The following NCKAP1 variants were observed in gnomAD, a reference collection of about 807,000 sequenced individuals.
The protein encoded by NCKAP1 is NCK associated protein 1, also known as nck-associated protein 1.
In NCKAP1, 21 loss-of-function variants were observed where a neutral mutation model predicts 151.2. The ratio of observed to expected loss-of-function variants is 0.14; its 90% CI spans 0.10 to 0.20. The LOEUF is 0.20. NCKAP1 is among the 10% of genes least tolerant of loss of function. NCKAP1 has a pLI of 1.00. For missense variants in NCKAP1, 933 were observed against 1,352.1 expected (o/e 0.69, Z 4.86); for synonymous variants, 484 against 451.8 (o/e 1.07, Z -0.90).
intron 15 of NCKAP1, among the ~76,000 whole-genome samples, chr2:182,970,381 C>T (rs1374865200): frequency 1.3e-5 from 2 of 152,114 alleles, no homozygotes; most frequent in African/African-American, 4.8e-5. Context: ...TACTAGCACA[C>T]AGAATTCAAC....
chr2:182,952,750 T>C (rs769438412), intron 22 of NCKAP1, 43 bp downstream of exon 22: 1 of 1,510,522 alleles, frequency 6.6e-7, no homozygotes, highest in Non-Finnish European at 8.9e-7. Context: ...GCAAAAGAAT[T>C]AAGTGTTCTT....
chr2:182,941,745 T>A (rs1697000389), intron 24 of NCKAP1, among the ~76,000 whole-genome samples: 1 of 152,186 alleles, frequency 6.6e-6, no homozygotes, highest in African/African-American at 2.4e-5. Flanking sequence ...GTTAACAGGC[T>A]CAGAAGCTAA....
At chr2:183,020,571 T>C (rs1023573804) in intron 2 of NCKAP1, among the ~76,000 whole-genome samples, 1 of 152,016 alleles carries the variant, frequency 6.6e-6, no homozygotes, top group Non-Finnish European at 1.5e-5. Context: ...GTGTTACTTG[T>C]AAGACATGAA....
At chr2:182,976,539 T>G (rs1697827739) in intron 15 of NCKAP1, among the ~76,000 whole-genome samples, 1 of 152,236 alleles carries the variant, frequency 6.6e-6, no homozygotes, top group Non-Finnish European at 1.5e-5. Context: ...GCTGTTTCTT[T>G]ATTAGAAAAA....
intron 13 of NCKAP1, among the ~76,000 whole-genome samples, chr2:182,979,321 T>A (rs1433325599): frequency 6.6e-6 from 1 of 152,018 alleles, no homozygotes; most frequent in East Asian, 1.9e-4. Context: ...ATGGTAATAG[T>A]TGCACAAATG....
chr2:182,934,960 T>A (rs539711404), intron 25 of NCKAP1, 128 bp from the exon 26 acceptor site: 1 of 569,810 alleles, frequency 1.8e-6, no homozygotes, highest in African/African-American at 1.9e-5. Context: ...TTTCAGTGAT[T>A]TTTCAAAAAT....
At chr2:183,019,247 G>T (rs1698750501) in intron 2 of NCKAP1, among the ~76,000 whole-genome samples, 1 of 151,840 alleles carries the variant, frequency 6.6e-6, no homozygotes, top group African/African-American at 2.4e-5. Flanking sequence ...ATTAAAATGT[G>T]CAATAGGCTA....
At chr2:182,949,438 T>G (rs1227272872) in intron 23 of NCKAP1, among the ~76,000 whole-genome samples, 1 of 152,184 alleles carries the variant, frequency 6.6e-6, no homozygotes, top group African/African-American at 2.4e-5. Flanking sequence ...GGAAAACACC[T>G]CTTTTAAAGA....
At chr2:182,938,551 GGT>G (rs1696929142) in intron 24 of NCKAP1, among the ~76,000 whole-genome samples, 1 of 152,146 alleles carries the variant, frequency 6.6e-6, no homozygotes. Flanking sequence ...AGAGTGGACA[GGT>G]GGGACAATCA....
At chr2:183,032,755 A>G (rs57047150) in intron 1 of NCKAP1, among the ~76,000 whole-genome samples, 7,150 of 152,278 alleles carry the variant, frequency 0.047, 563 homozygotes, top group African/African-American at 0.16. Flanking sequence ...AATTGAAAAT[A>G]TCATAAATCA....
chr2:182,945,906 C>T (rs1293236489), intron 23 of NCKAP1, among the ~76,000 whole-genome samples: 1 of 152,138 alleles, frequency 6.6e-6, no homozygotes, highest in Non-Finnish European at 1.5e-5. Flanking sequence ...ATGGAATCAA[C>T]CTAAATGCCC....
chr2:182,988,976 T>A (rs1010716096), intron 9 of NCKAP1, 54 bp downstream of exon 9: 63 of 1,499,000 alleles, frequency 4.2e-5, no homozygotes, highest in Admixed American at 5.4e-5. Context: ...TCAGTAAAGA[T>A]AACTCACTCA....
At chr2:182,968,902 G>GAGAC in intron 15 of NCKAP1, among the ~76,000 whole-genome samples, 1 of 152,320 alleles carries the variant, frequency 6.6e-6, no homozygotes, top group Admixed American at 6.5e-5. Context: ...ACTATTCAAT[G>GAGAC]AGACAGTGAC....
chr2:182,986,506 G>C (rs1232350861), intron 9 of NCKAP1, among the ~76,000 whole-genome samples: 1 of 151,950 alleles, frequency 6.6e-6, no homozygotes, highest in Non-Finnish European at 1.5e-5. Flanking sequence ...ACTTCCTTAA[G>C]CCCCAATGGA....
rs942109213 is a variant in NCKAP1 at position 182,916,229 on chromosome 2, G to A, written c.*9473C>T. 5 of 148,576 alleles carry A rather than the reference G, an allele frequency of 3.4e-5. No homozygotes were observed. Among genetic ancestry groups the A allele is most frequent in the African/African-American group, 1.2e-4 (5 of 40,524 alleles). The allele number at this position is 148,576 out of a possible 1,614,324, so 9.2% of individuals were successfully genotyped here. ...TCATCACTGAGCTGCTGCTATTACA[G>A]GTGTAGAAATCCCCAGCTGCCTGTA... On this transcript the variant is annotated 3_prime_UTR_variant, in exon 31 of 31. Coordinates refer to ENST00000361354, the MANE Select transcript of NCKAP1 (RefSeq NM_013436.5).
intron 15 of NCKAP1, among the ~76,000 whole-genome samples, chr2:182,967,809 T>C (rs145024773): frequency 9.2e-5 from 14 of 152,322 alleles, no homozygotes; most frequent in African/African-American, 3.4e-4. Context: ...TAATACACTG[T>C]ATTAATTTGA....
At chr2:182,956,716 C>A in intron 19 of NCKAP1, 123 bp from the exon 20 acceptor site, 1 of 996,912 alleles carries the variant, frequency 1.0e-6, no homozygotes, top group Non-Finnish European at 1.4e-6. Flanking sequence ...TTTTATTCTC[C>A]TAAACTGAGA....
At chr2:182,937,676 A>C (rs1401153190) in intron 24 of NCKAP1, among the ~76,000 whole-genome samples, 3 of 152,222 alleles carry the variant, frequency 2.0e-5, no homozygotes, top group African/African-American at 7.2e-5. Flanking sequence ...TAAAAAAAAA[A>C]TTAATGTAGC....
intron 7 of NCKAP1, 45 bp downstream of exon 7, chr2:182,995,656 A>C (rs1267725889): frequency 6.4e-7 from 1 of 1,566,268 alleles, no homozygotes. Context: ...TTATTTTTTT[A>C]AAAGTCACTT....
Sources: gnomAD v4.1 joint callset for allele counts (sites outside exome capture counted in the v4.1 genomes callset) on GRCh38, gnomAD v4.1.1 for gene constraint, MANE v1.5 for transcripts, NCBI Gene and HGNC (gene_info 2026-07-23, HGNC 2026-07-21) for gene names.